Variants in RSL1D1 observed in about 807,000 individuals in gnomAD.
RSL1D1 encodes ribosomal L1 domain containing 1.
A neutral mutation model predicts 44.6 loss-of-function variants in RSL1D1; 34 were observed. The observed-to-expected ratio is 0.76, with a 90% confidence interval of 0.58 to 1.02. The LOEUF is 1.02. Among genes scored for constraint, RSL1D1 ranks in the 50% least tolerant of loss-of-function variants. The pLI is 0.00. For synonymous variants in RSL1D1, 271 were observed against 207.4 expected (o/e 1.31, Z -2.63); for missense variants, 767 against 568.1 (o/e 1.35, Z -3.56).
chr16:11,847,641 C>G (rs1388670187), intron 3 of RSL1D1, 27 bp downstream of exon 3: 2 of 1,579,844 alleles, frequency 1.3e-6, no homozygotes, highest in East Asian at 2.2e-5. Context: ...CTCTAAATAA[C>G]TTGAAAATAT....
chr16:11,846,473 G>C, intron 5 of RSL1D1, 28 bp downstream of exon 5: 1 of 1,034,992 alleles, frequency 9.7e-7, no homozygotes, highest in Non-Finnish European at 1.5e-6. Flanking sequence ...AAGATTAAAA[G>C]AGGCACACAT....
chr16:11,840,305 C>G (rs568355170), intron 7 of RSL1D1, among the ~76,000 whole-genome samples: 2 of 152,246 alleles, frequency 1.3e-5, no homozygotes, highest in South Asian at 4.1e-4. Flanking sequence ...GTGGCTCACG[C>G]CTGTAATCAC....
At chr16:11,845,788 C>A (rs1253939984) in intron 5 of RSL1D1, among the ~76,000 whole-genome samples, 1 of 151,540 alleles carries the variant, frequency 6.6e-6, no homozygotes, top group Admixed American at 6.6e-5. Flanking sequence ...GTGACAAGAA[C>A]ATGGCTCACT....
intron 3 of RSL1D1, 101 bp from the exon 4 acceptor site, chr16:11,846,944 G>C (rs1393381931): frequency 9.7e-7 from 1 of 1,027,254 alleles, no homozygotes; most frequent in Non-Finnish European, 1.5e-6. Context: ...AAATGTCCTA[G>C]AGCCATGCCT....
At position 11,834,465 on chromosome 16, in the gene RSL1D1, C is replaced by A. The variant is rs1197996172; in HGVS notation, c.*3322G>T. On this transcript the variant is annotated 3_prime_UTR_variant, in exon 9 of 9. Coordinates refer to ENST00000571133, the MANE Select transcript of RSL1D1 (RefSeq NM_015659.3). ...AACACCTGTGTCATGTTCAACAAGACTGAACTACGGAGCAAAGAATCACAC... is the reference window on the plus strand; with the variant it reads ...AACACCTGTGTCATGTTCAACAAGAATGAACTACGGAGCAAAGAATCACAC... The A allele has an allele frequency of 1.3e-5, 2 of 152,212 alleles. No homozygotes were observed. Among genetic ancestry groups the A allele is most frequent in the Non-Finnish European group, 2.9e-5 (2 of 68,024 alleles). 9.4% of individuals were successfully genotyped at this position (152,212 alleles called of 1,614,324 possible). A position where few individuals can be genotyped will look rare whatever the true frequency, so the allele number is the denominator to read the frequency against.
chr16:11,841,649 TAC>T, intron 7 of RSL1D1, 44 bp downstream of exon 7: 1 of 1,558,742 alleles, frequency 6.4e-7, no homozygotes, highest in Non-Finnish European at 8.8e-7. Flanking sequence ...TGACTGAATT[TAC>T]ACCCTTCATT....
At chr16:11,843,700 C>T (rs2053779008) in intron 5 of RSL1D1, among the ~76,000 whole-genome samples, 1 of 151,380 alleles carries the variant, frequency 6.6e-6, no homozygotes, top group Admixed American at 6.6e-5. Flanking sequence ...AACACCGTCT[C>T]TACTAAAAAA....
intron 5 of RSL1D1, 50 bp downstream of exon 5, chr16:11,846,451 A>G (rs1230388215): frequency 5.1e-6 from 5 of 981,098 alleles, no homozygotes; most frequent in Admixed American, 4.6e-5. Flanking sequence ...ATATAAAATC[A>G]TTGTCAAATA....
chr16:11,838,118 GA>G lies in RSL1D1; in HGVS notation c.1147-6del, dbSNP rs377189340. The G allele has an allele frequency of 2.6e-3, 3,785 of 1,452,750 alleles. 64 individuals carry two copies. In the African/African-American group the frequency reaches 0.042, roughly 16 times the overall value. 90.0% of individuals were successfully genotyped at this position (1,452,750 alleles called of 1,614,324 possible). On this transcript the variant is annotated splice_polypyrimidine_tract_variant and splice_region_variant and intron_variant, in intron 8 of 8. Coordinates refer to ENST00000571133, the MANE Select transcript of RSL1D1 (RefSeq NM_015659.3). Reference sequence around the variant, plus strand: ...TCCTGTGGCATGTTTTTGAATCTAAGAAAAAAAAAAGTAAGTTTAATATAGA... The same window carrying G: ...TCCTGTGGCATGTTTTTGAATCTAAGAAAAAAAAAGTAAGTTTAATATAGA...
chr16:11,844,407 C>G (rs977156410), intron 5 of RSL1D1, among the ~76,000 whole-genome samples: 4 of 152,298 alleles, frequency 2.6e-5, no homozygotes, highest in African/African-American at 9.6e-5. Flanking sequence ...CCCAGATACT[C>G]ATGGGTCCCA....
chr16:11,837,676 T>C lies in RSL1D1; in HGVS notation c.*111A>G. On this transcript the variant is annotated 3_prime_UTR_variant, in exon 9 of 9. Transcript: ENST00000571133. Reference sequence around the variant, plus strand: ...ACTTATGGAGGTTTTAAAAAATCTTTTAAGTCCAGGCCTGACGTTTAGAGA... The same window carrying C: ...ACTTATGGAGGTTTTAAAAAATCTTCTAAGTCCAGGCCTGACGTTTAGAGA... The C allele has an allele frequency of 9.6e-7, 1 of 1,046,570 alleles. No homozygotes were observed. The highest frequency in any genetic ancestry group is 1.6e-5 in the South Asian group (1 of 63,290). 64.8% of individuals were successfully genotyped at this position (1,046,570 alleles called of 1,614,324 possible).
chr16:11,851,286 G>T (rs559759956), intron 1 of RSL1D1, 122 bp downstream of exon 1: 3 of 926,610 alleles, frequency 3.2e-6, no homozygotes, highest in African/African-American at 1.6e-5. Context: ...CACACGGCCC[G>T]CCAGCGACCG....
In RSL1D1 at chr16:11,847,817, C is replaced by T. The variant is rs779939995; in HGVS notation, c.246-11G>A. On this transcript the variant is annotated splice_polypyrimidine_tract_variant and intron_variant, in intron 2 of 8. Transcript: ENST00000571133. Reference sequence around the variant, plus strand: ...CTATGAGGCAAGGTCCTACAAAATACGTGAAAAGAAACCGAGGAAAGCATT... The same window carrying T: ...CTATGAGGCAAGGTCCTACAAAATATGTGAAAAGAAACCGAGGAAAGCATT... 9.3e-6 allele frequency: 15 copies of T among 1,610,748 alleles called. No homozygotes were observed. Among genetic ancestry groups the T allele is most frequent in the South Asian group, 5.5e-5 (5 of 90,482 alleles).
chr16:11,837,524 T>C lies in RSL1D1; in HGVS notation c.*263A>G, dbSNP rs563958493. The C allele has an allele frequency of 1.2e-4, 37 of 308,950 alleles. No homozygotes were observed. Among genetic ancestry groups the C allele is most frequent in the African/African-American group, 7.6e-4 (34 of 44,894 alleles). The allele number at this position is 308,950 out of a possible 1,614,324, so 19.1% of individuals were successfully genotyped here. A position where few individuals can be genotyped will look rare whatever the true frequency, so the allele number is the denominator to read the frequency against. On this transcript the variant is annotated 3_prime_UTR_variant, in exon 9 of 9. Coordinates refer to ENST00000571133, the MANE Select transcript of RSL1D1 (RefSeq NM_015659.3). ...CACCACCATGCCCAATTAATTTTTGTATTTTTGGTACAGACAGGGTTTCAC... is the reference window on the plus strand; with the variant it reads ...CACCACCATGCCCAATTAATTTTTGCATTTTTGGTACAGACAGGGTTTCAC...
chr16:11,838,074 T>C lies in RSL1D1; in HGVS notation c.1186A>G (p.Ser396Gly). The C allele has an allele frequency of 6.3e-7, 1 of 1,594,628 alleles. No individual in the cohort carries two copies. Among genetic ancestry groups the C allele is most frequent in the Non-Finnish European group, 8.5e-7 (1 of 1,174,918 alleles). ...HATGKKSPAKSPNPSTPRGKK... is the reference protein window; with the variant it reads ...HATGKKSPAKGPNPSTPRGKK... ...CCACGAGGTGTGCTGGGATTAGGAC[T>C]CTTTGCTGGAGACTTCTTTCCTGTG... The change falls in exon 9 of 9, where the codon AGT becomes GGT. Residue 396 changes from serine to glycine, a missense_variant. Transcript: ENST00000571133.
At chr16:11,850,478 A>C in intron 1 of RSL1D1, 60 bp from the exon 2 acceptor site, 1 of 1,529,252 alleles carries the variant, frequency 6.5e-7, no homozygotes, top group South Asian at 1.2e-5. Flanking sequence ...ACACAAATAA[A>C]TGAAATGTTC....
At chr16:11,850,079 G>A (rs60451645) in intron 2 of RSL1D1, among the ~76,000 whole-genome samples, 200 bp downstream of exon 2, 1 of 152,080 alleles carries the variant, frequency 6.6e-6, no homozygotes, top group East Asian at 1.9e-4. Context: ...CGTCCACCTC[G>A]GCCTCCCAAA....
intron 2 of RSL1D1, among the ~76,000 whole-genome samples, chr16:11,850,070 G>A (rs58446554): frequency 1.3e-5 from 2 of 152,004 alleles, no homozygotes; most frequent in African/African-American, 4.8e-5. Flanking sequence ...CAGGTGATCC[G>A]TCCACCTCGG....
chr16:11,850,156 A>T, intron 2 of RSL1D1, 123 bp downstream of exon 2: 2 of 936,610 alleles, frequency 2.1e-6, no homozygotes, highest in Non-Finnish European at 3.1e-6. Flanking sequence ...TAGTTGTTTT[A>T]CTTCACGTCA....
Sources: gnomAD v4.1 joint callset for allele counts (sites outside exome capture counted in the v4.1 genomes callset) on GRCh38, gnomAD v4.1.1 for gene constraint, MANE v1.5 for transcripts, NCBI Gene and HGNC (gene_info 2026-07-23, HGNC 2026-07-21) for gene names.